The following CES5A variants were observed in gnomAD, a reference collection of about 807,000 sequenced individuals.
CES5A encodes carboxylesterase 5.
Under a neutral mutation model 62.9 loss-of-function variants are expected in CES5A, and 67 were observed. The ratio of observed to expected loss-of-function variants is 1.07; its 90% CI spans 0.88 to 1.31. The LOEUF (loss-of-function observed/expected upper bound fraction) is 1.31. Among genes scored for constraint, CES5A ranks in the 50% most tolerant of loss-of-function variants. The pLI is 0.00. For missense variants in CES5A, 748 were observed against 708.5 expected (o/e 1.06, Z -0.63); for synonymous variants, 296 against 280.8 (o/e 1.05, Z -0.54).
At chr16:55,878,015 C>T (rs1485700504), upstream of CES5A, among the ~76,000 whole-genome samples, 2 of 152,168 alleles carry the variant, frequency 1.3e-5, no homozygotes, top group African/African-American at 4.8e-5. Flanking sequence ...AACCACTTGA[C>T]ATCACCTCCT....
At chr16:55,893,607 C>T (rs1489634197) in intron 1 of CES5A, among the ~76,000 whole-genome samples, 1 of 152,012 alleles carries the variant, frequency 6.6e-6, no homozygotes, top group South Asian at 2.1e-4. Context: ...ATGTGCTTAA[C>T]AGCAAACTAG....
chr16:55,952,089 T>A (rs7203902), intron 1 of CES5A, among the ~76,000 whole-genome samples: 13 of 151,880 alleles, frequency 8.6e-5, no homozygotes, highest in Admixed American at 2.0e-4. Flanking sequence ...GTCAGACAGG[T>A]TACCATCTGG....
At chr16:55,853,387 G>A (rs756406527) in intron 9 of CES5A, among the ~76,000 whole-genome samples, 1 of 152,148 alleles carries the variant, frequency 6.6e-6, no homozygotes, top group Non-Finnish European at 1.5e-5. Flanking sequence ...AACATAAACT[G>A]CTTGTTCAAA....
chr16:55,944,052 A>G, intron 2 of CES5A: 1 of 702,216 alleles, frequency 1.4e-6, no homozygotes, highest in South Asian at 1.5e-5. Flanking sequence ...ACTCACCTCC[A>G]TGCAGAGAAG....
At chr16:55,849,881 G>T in intron 10 of CES5A, 108 bp from the exon 11 acceptor site, 3 of 1,190,574 alleles carry the variant, frequency 2.5e-6, no homozygotes, top group South Asian at 1.5e-5. Context: ...GGGTGGGACA[G>T]CTCAGAGACA....
At chr16:55,920,160 G>C (rs1269914280) in intron 1 of CES5A, among the ~76,000 whole-genome samples, 4 of 152,120 alleles carry the variant, frequency 2.6e-5, no homozygotes, top group African/African-American at 4.8e-5. Flanking sequence ...CTCCGAGAAG[G>C]CAGTAAAAGA....
At chr16:55,948,089 A>C (rs1852464131) in intron 2 of CES5A, among the ~76,000 whole-genome samples, 1 of 152,190 alleles carries the variant, frequency 6.6e-6, no homozygotes, top group Admixed American at 6.5e-5. Flanking sequence ...AAAATGTAAA[A>C]GAAGAAGTGA....
At chr16:55,849,981 G>A (rs1009007658) in intron 10 of CES5A, among the ~76,000 whole-genome samples, 2 of 152,202 alleles carry the variant, frequency 1.3e-5, no homozygotes, top group Non-Finnish European at 2.9e-5. Flanking sequence ...GTCTGAGAAG[G>A]CAGTAGTTCT....
intron 2 of CES5A, among the ~76,000 whole-genome samples, chr16:55,938,789 T>TAC (rs1567362359): frequency 3.0e-5 from 2 of 67,120 alleles, no homozygotes; most frequent in African/African-American, 1.1e-4. Flanking sequence ...TATATATATA[T>TAC]ATATATATAC....
chr16:55,877,904 G>A (rs570789342), upstream of CES5A, among the ~76,000 whole-genome samples: 1 of 152,298 alleles, frequency 6.6e-6, no homozygotes, highest in Non-Finnish European at 1.5e-5. Flanking sequence ...TCGGGGAGGA[G>A]GGAGTAGGAA....
At chr16:55,936,153 C>T (rs762739370) in intron 2 of CES5A, among the ~76,000 whole-genome samples, 13 of 152,204 alleles carry the variant, frequency 8.5e-5, no homozygotes, top group Non-Finnish European at 2.9e-5. Context: ...ATCTTCCCAA[C>T]ACTCCAGTAG....
chr16:55,916,326 C>T (rs1308788764), intron 1 of CES5A, among the ~76,000 whole-genome samples: 2 of 152,190 alleles, frequency 1.3e-5, no homozygotes, highest in African/African-American at 4.8e-5. Flanking sequence ...AATTCAGCCT[C>T]CTCACATCCT....
chr16:55,880,110 T>G (rs1247201629), upstream of CES5A, among the ~76,000 whole-genome samples: 2 of 152,234 alleles, frequency 1.3e-5, no homozygotes, highest in Non-Finnish European at 2.9e-5. Context: ...AAGGACCATG[T>G]GATCTCTCAT....
Position 55,867,585 on chromosome 16 carries a change from C to G in CES5A, c.552-1469G>C, listed in dbSNP as rs139624179. Among the ~76,000 whole-genome samples, 862 of 152,270 alleles carry G rather than the reference C, an allele frequency of 5.7e-3. 7 individuals are homozygous for G. Among genetic ancestry groups the G allele is most frequent in the Non-Finnish European group, 9.5e-3 (647 of 68,014 alleles). ...CTCTCCCAGGCCCCTGCTCAAGAGT[C>G]AAGCCCTGCCAATTTTACCTCCATT... On this transcript the variant is annotated intron_variant, in intron 4 of 12. Transcript: ENST00000290567.
intron 1 of CES5A, 26 bp from the exon 2 acceptor site, chr16:55,874,063 G>A (rs756629209): frequency 1.9e-6 from 3 of 1,568,250 alleles, no homozygotes; most frequent in Non-Finnish European, 1.7e-6. Context: ...GGAGGAATCA[G>A]GAGCAGGCTG....
At chr16:55,859,795 G>A in intron 7 of CES5A, 108 bp from the exon 8 acceptor site, 5 of 956,328 alleles carry the variant, frequency 5.2e-6, no homozygotes, top group Non-Finnish European at 7.9e-6. Context: ...TCTAGCACTG[G>A]CTTAAATGCA....
intron 2 of CES5A, among the ~76,000 whole-genome samples, chr16:55,873,162 T>C (rs775543799): frequency 1.3e-5 from 2 of 152,136 alleles, no homozygotes; most frequent in East Asian, 1.9e-4. Context: ...CAAGTCTCAC[T>C]GCCCACCCAG....
chr16:55,907,748 T>C (rs2034053000), intron 1 of CES5A, among the ~76,000 whole-genome samples: 1 of 152,080 alleles, frequency 6.6e-6, no homozygotes, highest in African/African-American at 2.4e-5. Context: ...CTCAGGCTTC[T>C]TGGGGGAGGG....
intron 1 of CES5A, among the ~76,000 whole-genome samples, chr16:55,954,780 T>C (rs2142491159): frequency 6.6e-6 from 1 of 152,254 alleles, no homozygotes; most frequent in Middle Eastern, 3.4e-3. Context: ...CTCTTCTACA[T>C]ACAATCCCTT....
Sources: allele counts gnomAD v4.1 joint callset (sites outside exome capture counted in the v4.1 genomes callset), GRCh38; gene constraint gnomAD v4.1.1; transcripts MANE v1.5; gene names NCBI Gene and HGNC (gene_info 2026-07-23, HGNC 2026-07-21).